Variants in NFATC2 observed in about 807,000 individuals in gnomAD.
The protein encoded by NFATC2 is nuclear factor of activated T-cells, cytoplasmic 2.
A neutral mutation model predicts 87.3 loss-of-function variants in NFATC2; 22 were observed. The observed-to-expected ratio is 0.25, with a 90% CI of 0.18 to 0.36. The LOEUF (loss-of-function observed/expected upper bound fraction) is 0.36. Ranked by LOEUF, NFATC2 falls within the 10% of genes least tolerant of loss-of-function variation. The pLI, the probability that NFATC2 is intolerant of heterozygous loss-of-function variation, is 1.00. For synonymous variants in NFATC2, 565 were observed against 542.2 expected, an observed-to-expected ratio of 1.04 and a Z score of -0.58; for missense variants, 1,149 against 1,259.1, an observed-to-expected ratio of 0.91 and a Z score of 1.32.
At chr20:51,440,279 T>C (rs1359329624) in intron 6 of NFATC2, among the ~76,000 whole-genome samples, 1 of 147,984 alleles carries the variant, frequency 6.8e-6, no homozygotes, top group Non-Finnish European at 1.5e-5. Context: ...AAGATACCTG[T>C]TACGATTATG....
intron 6 of NFATC2, among the ~76,000 whole-genome samples, chr20:51,437,398 G>A (rs555002995): frequency 3.4e-4 from 52 of 152,248 alleles, no homozygotes; most frequent in African/African-American, 1.2e-3. Context: ...GTAACTCTGC[G>A]AGGTGGGCTG....
intron 3 of NFATC2, among the ~76,000 whole-genome samples, chr20:51,494,071 A>G (rs1246951210): frequency 6.6e-6 from 1 of 152,060 alleles, no homozygotes; most frequent in Non-Finnish European, 1.5e-5. Flanking sequence ...AGTTACCATC[A>G]TCGCCACCAT....
At chr20:51,471,112 A>G (rs76090321) in intron 5 of NFATC2, among the ~76,000 whole-genome samples, 1,728 of 152,352 alleles carry the variant, frequency 0.011, 36 homozygotes, top group African/African-American at 0.039. Flanking sequence ...ATGTTCAAAC[A>G]GCTTTCTAAC....
intron 3 of NFATC2, among the ~76,000 whole-genome samples, chr20:51,476,942 C>G (rs543139562): frequency 6.6e-6 from 1 of 152,206 alleles, no homozygotes; most frequent in East Asian, 1.9e-4. Flanking sequence ...CAGGTAAGAG[C>G]AATATAGACT....
chr20:51,535,331 C>T (rs1438616896), intron 1 of NFATC2, among the ~76,000 whole-genome samples: 1 of 152,218 alleles, frequency 6.6e-6, no homozygotes, highest in Non-Finnish European at 1.5e-5. Context: ...CGAGTTTGGT[C>T]TCTTACTGAT....
intron 1 of NFATC2, among the ~76,000 whole-genome samples, chr20:51,528,420 G>A (rs201122641): frequency 1.7e-5 from 1 of 57,502 alleles, no homozygotes; most frequent in Non-Finnish European, 4.7e-5. Flanking sequence ...AATGTACACA[G>A]ACAGATGTAC....
At chr20:51,414,427 G>A (rs181331036) in intron 9 of NFATC2, among the ~76,000 whole-genome samples, 150 of 152,266 alleles carry the variant, frequency 9.9e-4, no homozygotes, top group African/African-American at 3.0e-3. Flanking sequence ...GGTGGCTCAC[G>A]CCTGTAATCC....
chr20:51,412,970 C>G (rs1331086210), intron 9 of NFATC2, among the ~76,000 whole-genome samples: 2 of 61,780 alleles, frequency 3.2e-5, no homozygotes, highest in Non-Finnish European at 6.4e-5. Flanking sequence ...CCACCGACCC[C>G]GGCCCCCCCA....
At chr20:51,537,888 C>T (rs2076746104) in intron 1 of NFATC2, among the ~76,000 whole-genome samples, 2 of 152,130 alleles carry the variant, frequency 1.3e-5, no homozygotes, top group African/African-American at 2.4e-5. Flanking sequence ...CGTTTGAAAC[C>T]TAGACAGATA....
chr20:51,539,490 G>A (rs951710412), intron 1 of NFATC2, among the ~76,000 whole-genome samples: 1 of 151,948 alleles, frequency 6.6e-6, no homozygotes, highest in Non-Finnish European at 1.5e-5. Flanking sequence ...TTTTTGTCTG[G>A]TTTGTTGGTT....
chr20:51,414,460 G>A (rs1280394594), intron 9 of NFATC2, among the ~76,000 whole-genome samples: 1 of 151,542 alleles, frequency 6.6e-6, no homozygotes, highest in Non-Finnish European at 1.5e-5. Flanking sequence ...AGGCCGAGGT[G>A]GGCGGATCAC....
At chr20:51,551,178 C>A (rs1463376241) in intron 1 of NFATC2, among the ~76,000 whole-genome samples, 1 of 151,936 alleles carries the variant, frequency 6.6e-6, no homozygotes, top group Non-Finnish European at 1.5e-5. Flanking sequence ...TAAGGTGAGG[C>A]AAGAGAGGTA....
At chr20:51,537,119 C>T (rs2076733545) in intron 1 of NFATC2, among the ~76,000 whole-genome samples, 1 of 151,892 alleles carries the variant, frequency 6.6e-6, no homozygotes, top group Non-Finnish European at 1.5e-5. Flanking sequence ...GGGTCGAGAG[C>T]AGGTGTTCCT....
chr20:51,426,417 G>T (rs1981835927), intron 9 of NFATC2, among the ~76,000 whole-genome samples: 1 of 152,080 alleles, frequency 6.6e-6, no homozygotes, highest in Admixed American at 6.5e-5. Flanking sequence ...GGCAGAGGTT[G>T]CAGCGAGCCA....
At chr20:51,492,426 G>A (rs1340245623) in intron 3 of NFATC2, among the ~76,000 whole-genome samples, 6 of 152,236 alleles carry the variant, frequency 3.9e-5, no homozygotes, top group African/African-American at 7.2e-5. Context: ...GGCGCCTGCT[G>A]CGCTAAACGT....
In NFATC2 at chr20:51,432,748, T is replaced by C. The variant is rs761977455; in HGVS notation, c.2041A>G (p.Ile681Val). The C allele has an allele frequency of 4.8e-5, 75 of 1,574,940 alleles. No individual in the cohort carries two copies. Among genetic ancestry groups the C allele is most frequent in the Non-Finnish European group, 6.2e-5 (72 of 1,169,272 alleles). ...QHFTYHPVPAIKTEPTDEYDP... is the reference protein window; with the variant it reads ...QHFTYHPVPAVKTEPTDEYDP... ...TATTCATCCGTGGGCTCCGTCTTGATGGCTGGGACTGGGAGGAGAAAAGAG... is the reference window on the plus strand; with the variant it reads ...TATTCATCCGTGGGCTCCGTCTTGACGGCTGGGACTGGGAGGAGAAAAGAG... Residue 681 changes from isoleucine to valine, a missense_variant, in exon 9 of 11, where the codon ATC becomes GTC. Transcript: ENST00000371564. This position sits in a 1 kb window ranked among gnomAD's most constrained non-coding sequence, Gnocchi z 4.6.
chr20:51,523,425 G>A lies in NFATC2; in HGVS notation c.816C>T (p.Ser272=). Residue 272 remains serine (S), a synonymous_variant, in exon 2 of 11, where the codon TCC becomes TCT. Transcript: ENST00000371564. The surrounding 1 kb of genome is among the most constrained non-coding windows in gnomAD (Gnocchi z 6.9). The part of the protein sequence containing the change: ...ALPPGASPQR[S]RSPSPQPSSH... ...ATGAGGGCTGCGGCGAGGGGCTCCGGGAGCGCTGGGGTGAGGCTCCGGGCG... is the reference window on the plus strand; with the variant it reads ...ATGAGGGCTGCGGCGAGGGGCTCCGAGAGCGCTGGGGTGAGGCTCCGGGCG... 1 of 1,607,984 alleles carries A rather than the reference G, an allele frequency of 6.2e-7. No homozygotes were observed. The highest frequency in any genetic ancestry group is 8.5e-7 in the Non-Finnish European group (1 of 1,177,064).
chr20:51,553,493 G>A (rs2076951535), intron 1 of NFATC2, among the ~76,000 whole-genome samples: 1 of 152,036 alleles, frequency 6.6e-6, no homozygotes, highest in South Asian at 2.1e-4. Flanking sequence ...GGCTAACACG[G>A]TGAAACCCCG....
At chr20:51,496,342 C>T (rs769870209) in intron 3 of NFATC2, among the ~76,000 whole-genome samples, 2 of 152,112 alleles carry the variant, frequency 1.3e-5, no homozygotes, top group Admixed American at 1.3e-4. Context: ...TGTGGACAGG[C>T]TCAGGTCTTG....
Sources: gnomAD v4.1 joint callset for allele counts (sites outside exome capture counted in the v4.1 genomes callset) on GRCh38, gnomAD v4.1.1 for gene constraint, Gnocchi (gnomAD v3.1) non-coding constraint, MANE v1.5 for transcripts, NCBI Gene and HGNC (gene_info 2026-07-23, HGNC 2026-07-21) for gene names.